The following HYAL3 variants were observed in gnomAD, a reference collection of about 807,000 sequenced individuals.
The protein encoded by HYAL3 is hyaluronidase 3.
In HYAL3, 25 loss-of-function variants were observed where a neutral mutation model predicts 29.6. That is an observed-to-expected ratio of 0.85 (90% CI 0.62 to 1.18). HYAL3 has a LOEUF of 1.18. Ranked by LOEUF, HYAL3 falls within the 50% of genes most tolerant of loss-of-function variation. The pLI, the probability that HYAL3 is intolerant of heterozygous loss-of-function variation, is 0.00. For missense variants in HYAL3, 442 were observed against 548.4 expected, an observed-to-expected ratio of 0.81 and a Z score of 1.94; for synonymous variants, 215 against 218.3, an observed-to-expected ratio of 0.99 and a Z score of 0.13.
In HYAL3 at chr3:50,292,982, T is replaced by C; in HGVS notation, c.*264A>G. On this transcript the variant is annotated 3_prime_UTR_variant, in exon 4 of 4. Coordinates refer to ENST00000336307, the MANE Select transcript of HYAL3 (RefSeq NM_003549.4). ...TTAGTGAGGTGTAGGCACAAAGCCC[T>C]AGGCTGGCAGCCCTAACTAGCTGGA... The C allele has an allele frequency of 1.3e-6, 2 of 1,553,420 alleles. No homozygotes were observed. The highest frequency in any genetic ancestry group is 1.7e-6 in the Non-Finnish European group (2 of 1,150,130).
At position 50,295,396 on chromosome 3, in the gene HYAL3, G is replaced by A; in HGVS notation, c.207C>T (p.Asn69=). Residue 69 remains asparagine (N), a synonymous_variant, in exon 2 of 4, where the codon AAC becomes AAT. Coordinates refer to ENST00000336307, the MANE Select transcript of HYAL3 (RefSeq NM_003549.4). ...GTTGGTTCTTGTAGAAAATGGTCAT[G>A]TTCTGACCGTGAAAATGCTGGCCAC... The part of the protein sequence containing the change: ...ANRGQHFHGQ[N]MTIFYKNQLG... 1 of 1,614,214 alleles carries A rather than the reference G, an allele frequency of 6.2e-7. No individual in the cohort carries two copies. The highest frequency in any genetic ancestry group is 8.5e-7 in the Non-Finnish European group (1 of 1,180,020).
chr3:50,296,880 T>G, intron 1 of HYAL3: 1 of 1,605,664 alleles, frequency 6.2e-7, no homozygotes, highest in Non-Finnish European at 8.5e-7. Flanking sequence ...GACCAGGCCC[T>G]GCACAGGCTC....
chr3:50,297,526 G>C lies in HYAL3; in HGVS notation c.-18+1687C>G. On this transcript the variant is annotated intron_variant, in intron 1 of 3. Coordinates refer to ENST00000336307, the MANE Select transcript of HYAL3 (RefSeq NM_003549.4). The surrounding 1 kb of genome is among the most constrained non-coding windows in gnomAD (Gnocchi z 4.3). Reference sequence around the variant, plus strand: ...GGGCCAGGGCTCAGAGTCAGCTCTTGCCTATGCACAGGATCCAGGTTCAGC... The same window carrying C: ...GGGCCAGGGCTCAGAGTCAGCTCTTCCCTATGCACAGGATCCAGGTTCAGC... The C allele has an allele frequency of 6.6e-7, 1 of 1,522,766 alleles. No homozygotes were observed. The highest frequency in any genetic ancestry group is 8.8e-7 in the Non-Finnish European group (1 of 1,132,874). The allele number at this position is 1,522,766 out of a possible 1,614,324, so 94.3% of individuals were successfully genotyped here.
Position 50,299,367 on chromosome 3 carries a change from C to T in HYAL3, c.-172G>A. The stretch of plus-strand genomic sequence containing the variant: ...CGTCGCGTCCTGCGGCACGCCACGG[C>T]GTTCTAAGGCCTCCCAGCACCCGCG... On this transcript the variant is annotated 5_prime_UTR_variant, in exon 1 of 4. Transcript: ENST00000336307. 6.6e-7 allele frequency: 1 copy of T among 1,514,356 alleles called. No individual in the cohort carries two copies. The highest frequency in any genetic ancestry group is 1.2e-5 in the South Asian group (1 of 84,740). The allele number at this position is 1,514,356 out of a possible 1,614,324, so 93.8% of individuals were successfully genotyped here.
In HYAL3 at chr3:50,297,963, T is replaced by C. The variant is rs1374944033; in HGVS notation, c.-18+1250A>G. 2 of 988,396 alleles carry C rather than the reference T, an allele frequency of 2.0e-6. No individual in the cohort carries two copies. The highest frequency in any genetic ancestry group is 3.5e-5 in the African/African-American group (2 of 57,296). 61.2% of individuals were successfully genotyped at this position (988,396 alleles called of 1,614,324 possible). On this transcript the variant is annotated intron_variant, in intron 1 of 3. Coordinates refer to ENST00000336307, the MANE Select transcript of HYAL3 (RefSeq NM_003549.4). This position sits in a 1 kb window ranked among gnomAD's most constrained non-coding sequence, Gnocchi z 4.3. ...AGTCCTGGCCCCAGCCTGCTCTGGC[T>C]ACAAATTTGTCCTCCTCAGGACCTC...
chr3:50,299,116 C>T, intron 1 of HYAL3, 97 bp downstream of exon 1: 1 of 1,611,664 alleles, frequency 6.2e-7, no homozygotes, highest in South Asian at 1.1e-5. Context: ...AAACGAACGA[C>T]TGACGCGGGG....
At position 50,297,704 on chromosome 3, in the gene HYAL3, G is replaced by C; in HGVS notation, c.-18+1509C>G. On this transcript the variant is annotated intron_variant, in intron 1 of 3. Transcript: ENST00000336307. The surrounding 1 kb of genome is among the most constrained non-coding windows in gnomAD (Gnocchi z 4.3). ...ATAACAGCCATGCTGGGCTGTGCCA[G>C]GAGGGAGGGTGGGGTTGGAGCAGGG... 1.5e-6 allele frequency: 2 copies of C among 1,365,100 alleles called. No individual in the cohort carries two copies. Among genetic ancestry groups the C allele is most frequent in the South Asian group, 3.7e-5 (2 of 53,602 alleles). The allele number at this position is 1,365,100 out of a possible 1,614,324, so 84.6% of individuals were successfully genotyped here.
rs1553710270 is a variant in HYAL3 at position 50,293,176 on chromosome 3, G to C, written c.*70C>G. 6.3e-7 allele frequency: 1 copy of C among 1,597,560 alleles called. No homozygotes were observed. The highest frequency in any genetic ancestry group is 1.7e-4 in the Middle Eastern group (1 of 6,026). On this transcript the variant is annotated 3_prime_UTR_variant, in exon 4 of 4. Coordinates refer to ENST00000336307, the MANE Select transcript of HYAL3 (RefSeq NM_003549.4). ...CTGTAAACTGAATAGAGCAAGAGTG[G>C]GACAGAGTAGTTCCAGGACTGGAAA...
intron 1 of HYAL3, 100 bp downstream of exon 1, chr3:50,299,113 C>G: frequency 6.2e-7 from 1 of 1,610,582 alleles, no homozygotes; most frequent in Non-Finnish European, 8.5e-7. Context: ...TGGAAACGAA[C>G]GACTGACGCG....
intron 2 of HYAL3, among the ~76,000 whole-genome samples, chr3:50,294,324 G>C (rs1553710599): frequency 6.6e-6 from 1 of 152,056 alleles, no homozygotes; most frequent in Non-Finnish European, 1.5e-5. Context: ...TAGAGGTTGG[G>C]GTCTCACTAT....
chr3:50,295,178 C>T lies in HYAL3; in HGVS notation c.425G>A (p.Arg142His), dbSNP rs782765787. The change falls in exon 2 of 4, where the codon CGC becomes CAC. Residue 142 changes from arginine (R) to histidine (H), a missense_variant. Coordinates refer to ENST00000336307, the MANE Select transcript of HYAL3 (RefSeq NM_003549.4). ...CPLWAGNWGRRRAYQAASWAW... is the reference protein window; with the variant it reads ...CPLWAGNWGRHRAYQAASWAW... The stretch of plus-strand genomic sequence containing the variant: ...CCAAGAGGCTGCCTGATAAGCTCGG[C>T]GGCGGCCCCAGTTCCCAGCCCAGAG... 1.2e-5 allele frequency: 20 copies of T among 1,613,194 alleles called. No individual in the cohort carries two copies. Among genetic ancestry groups the T allele is most frequent in the South Asian group, 6.6e-5 (6 of 91,094 alleles).
At chr3:50,296,620 TCCAGAATATG>T in intron 1 of HYAL3, 1 of 1,613,966 alleles carries the variant, frequency 6.2e-7, no homozygotes, top group East Asian at 2.2e-5. Context: ...TCTTTTTCCA[TCCAGAATATG>T]GGGCGCCCCC....
chr3:50,293,565 C>T (rs782595846), intron 3 of HYAL3, 50 bp from the exon 4 acceptor site: 1 of 1,611,686 alleles, frequency 6.2e-7, no homozygotes, highest in Non-Finnish European at 8.5e-7. Flanking sequence ...ATAATCTTGA[C>T]ATGGCCGTCC....
chr3:50,295,076 G>C lies in HYAL3; in HGVS notation c.527C>G (p.Ala176Gly), dbSNP rs370688249. 1.2e-6 allele frequency: 2 copies of C among 1,613,172 alleles called. No homozygotes were observed. Among genetic ancestry groups the C allele is most frequent in the Admixed American group, 3.3e-5 (2 of 60,016 alleles). ...LYKAYTGFEQ[A>G]ARALMEDTLR... ...CGTATCCTCCATCAGTGCACGGGCC[G>C]CCTGCTCAAAGCCAGTATAGGCCTT... The change falls in exon 2 of 4, where the codon GCG becomes GGG. Residue 176 changes from alanine to glycine, a missense_variant. Physicochemically the swap from Ala to Gly is moderately conservative, Grantham distance 60. Transcript: ENST00000336307.
At chr3:50,295,734 T>G (rs1701819238) in intron 1 of HYAL3, 115 bp from the exon 2 acceptor site, 3 of 887,884 alleles carry the variant, frequency 3.4e-6, no homozygotes, top group Non-Finnish European at 4.9e-6. Flanking sequence ...CAGGAGGAGC[T>G]GGGGAAAGCA....
intron 3 of HYAL3, 50 bp downstream of exon 3, chr3:50,293,582 C>G (rs1266141198): frequency 5.0e-6 from 8 of 1,612,462 alleles, no homozygotes; most frequent in Non-Finnish European, 6.8e-6. Flanking sequence ...GTCCCCCACC[C>G]TGGGACCCCA....
intron 1 of HYAL3, chr3:50,296,458 T>C: frequency 1.1e-6 from 1 of 945,080 alleles, no homozygotes; most frequent in Non-Finnish European, 1.6e-6. Flanking sequence ...AGCCACCTCC[T>C]GGCCCCACTG....
rs370688249 is a variant in HYAL3, at chr3:50,295,076, G to A, written c.527C>T (p.Ala176Val). The A allele has an allele frequency of 3.7e-5, 59 of 1,613,172 alleles. No homozygotes were observed. In the East Asian group the frequency reaches 7.8e-4, roughly 21 times the overall value. The change falls in exon 2 of 4, where the codon GCG (alanine) becomes GTG (valine). Residue 176 changes from alanine to valine, a missense_variant. Coordinates refer to ENST00000336307, the MANE Select transcript of HYAL3 (RefSeq NM_003549.4). ...CGTATCCTCCATCAGTGCACGGGCCGCCTGCTCAAAGCCAGTATAGGCCTT... is the reference window on the plus strand; with the variant it reads ...CGTATCCTCCATCAGTGCACGGGCCACCTGCTCAAAGCCAGTATAGGCCTT... ...LYKAYTGFEQ[A>V]ARALMEDTLR...
chr3:50,294,795 C>T lies in HYAL3; in HGVS notation c.808G>A (p.Val270Met), dbSNP rs1701775445. 5 of 1,519,998 alleles carry T rather than the reference C, an allele frequency of 3.3e-6. No individual in the cohort carries two copies. Among genetic ancestry groups the T allele is most frequent in the Non-Finnish European group, 4.4e-6 (5 of 1,131,720 alleles). 94.2% of individuals were successfully genotyped at this position (1,519,998 alleles called of 1,614,324 possible). A position where few individuals can be genotyped will look rare whatever the true frequency, so the allele number is the denominator to read the frequency against. ...VRHRLEEAFRVALVGHRHPLP... is the reference protein window; with the variant it reads ...VRHRLEEAFRMALVGHRHPLP... Reference sequence around the variant, plus strand: ...GGATGTCGGTGCCCAACAAGGGCCACACGGAAGGCCTCCTCCAGGCGATGT... The same window carrying T: ...GGATGTCGGTGCCCAACAAGGGCCATACGGAAGGCCTCCTCCAGGCGATGT... Residue 270 changes from valine to methionine, a missense_variant, in exon 2 of 4, where the codon GTG becomes ATG. By Grantham distance (21) the Val-to-Met change is conservative. Transcript: ENST00000336307.
Sources: allele counts gnomAD v4.1 joint callset (sites outside exome capture counted in the v4.1 genomes callset), GRCh38; gene constraint gnomAD v4.1.1; non-coding constraint Gnocchi (gnomAD v3.1); transcripts MANE v1.5; gene names NCBI Gene and HGNC (gene_info 2026-07-23, HGNC 2026-07-21).